The following TMEFF2 variants were observed in gnomAD, a reference collection of about 807,000 sequenced individuals.
TMEFF2 encodes transmembrane protein with EGF like and two follistatin like domains 2.
Under a neutral mutation model 53.8 loss-of-function variants are expected in TMEFF2, and 28 were observed. That is an observed-to-expected ratio of 0.52 (90% CI 0.39 to 0.71). The LOEUF (loss-of-function observed/expected upper bound fraction) is 0.71, where lower values mean the gene tolerates loss of function less well. Among genes scored for constraint, TMEFF2 ranks in the 30% least tolerant of loss-of-function variants. The pLI, the probability that TMEFF2 is intolerant of heterozygous loss-of-function variation, is 0.00. For missense variants in TMEFF2, 353 were observed against 455.2 expected, an observed-to-expected ratio of 0.78 and a Z score of 2.04; for synonymous variants, 162 against 166.3, an observed-to-expected ratio of 0.97 and a Z score of 0.20.
At chr2:192,072,725 A>C (rs923256231) in intron 4 of TMEFF2, among the ~76,000 whole-genome samples, 8 of 151,984 alleles carry the variant, frequency 5.3e-5, no homozygotes, top group African/African-American at 1.9e-4. Flanking sequence ...TGTGTATCTG[A>C]AGCACCATTC....
At chr2:192,043,053 G>A (rs1487715582) in intron 5 of TMEFF2, among the ~76,000 whole-genome samples, 3 of 152,158 alleles carry the variant, frequency 2.0e-5, no homozygotes, top group Admixed American at 6.5e-5. Context: ...GGCAGCAGGG[G>A]CCAAGTGGCA....
At chr2:192,010,888 T>G (rs1212773178) in intron 5 of TMEFF2, among the ~76,000 whole-genome samples, 1 of 152,206 alleles carries the variant, frequency 6.6e-6, no homozygotes, top group Non-Finnish European at 1.5e-5. Flanking sequence ...CCCTGGTGCC[T>G]TCTAACAAGA....
At chr2:192,117,385 TTAAC>T (rs1464347879) in intron 4 of TMEFF2, among the ~76,000 whole-genome samples, 1 of 152,146 alleles carries the variant, frequency 6.6e-6, no homozygotes, top group Non-Finnish European at 1.5e-5. Context: ...TGGTAGTAGG[TTAAC>T]TACTAGGTAG....
intron 5 of TMEFF2, among the ~76,000 whole-genome samples, chr2:192,045,724 A>G (rs1687602707): frequency 6.6e-6 from 1 of 152,178 alleles, no homozygotes; most frequent in Admixed American, 6.5e-5. Flanking sequence ...AGAAGCAGAA[A>G]CCAACACCGA....
intron 7 of TMEFF2, among the ~76,000 whole-genome samples, chr2:191,996,392 A>C (rs1686221692): frequency 6.6e-6 from 1 of 151,952 alleles, no homozygotes; most frequent in Non-Finnish European, 1.5e-5. Context: ...CAAATGAATT[A>C]GTTTGCAAAA....
rs191082907 is a variant in TMEFF2, at chr2:191,965,150, T to C, written c.746-8772A>G. On this transcript the variant is annotated intron_variant, in intron 7 of 9. Transcript: ENST00000272771. The stretch of plus-strand genomic sequence containing the variant: ...GCCCAGATCAACTTTTTATAGGTGA[T>C]GAGGTGATCACACTTTTATGGAGTT... 8.5e-5 allele frequency among the ~76,000 whole-genome samples: 13 copies of C among 152,274 alleles called. No individual in the cohort carries two copies. The East Asian group carries it at 2.3e-3, about 27-fold the overall frequency.
intron 4 of TMEFF2, among the ~76,000 whole-genome samples, chr2:192,129,472 G>A (rs1236620238): frequency 6.6e-6 from 1 of 152,092 alleles, no homozygotes; most frequent in Non-Finnish European, 1.5e-5. Context: ...AGAGGGATGG[G>A]TTTTAATACT....
intron 7 of TMEFF2, among the ~76,000 whole-genome samples, chr2:191,959,879 G>A (rs1692221857): frequency 6.6e-6 from 1 of 152,098 alleles, no homozygotes; most frequent in Non-Finnish European, 1.5e-5. Flanking sequence ...CCAAGCTGGT[G>A]TGTCTTTGTT....
intron 7 of TMEFF2, among the ~76,000 whole-genome samples, chr2:191,979,897 G>T (rs371098743): frequency 8.8e-4 from 132 of 149,826 alleles, no homozygotes; most frequent in Non-Finnish European, 1.6e-3. Flanking sequence ...CCTGTATGTG[G>T]CTTTGCATTA....
intron 4 of TMEFF2, among the ~76,000 whole-genome samples, chr2:192,083,625 T>C (rs1328452469): frequency 6.6e-6 from 1 of 151,742 alleles, no homozygotes; most frequent in African/African-American, 2.4e-5. Context: ...AAAAATCCTC[T>C]ACATAGCGGT....
At chr2:191,957,701 A>T (rs1307632608) in intron 7 of TMEFF2, among the ~76,000 whole-genome samples, 1 of 152,236 alleles carries the variant, frequency 6.6e-6, no homozygotes, top group South Asian at 2.1e-4. Context: ...ATGCATCATT[A>T]TGATGGGCAA....
At chr2:192,066,239 C>T (rs1688166994) in intron 4 of TMEFF2, among the ~76,000 whole-genome samples, 1 of 151,716 alleles carries the variant, frequency 6.6e-6, no homozygotes, top group African/African-American at 2.4e-5. Context: ...CAAATTAATA[C>T]TGCATATGTA....
intron 5 of TMEFF2, among the ~76,000 whole-genome samples, chr2:192,047,175 C>A (rs542319445): frequency 1.2e-3 from 183 of 152,336 alleles, no homozygotes; most frequent in African/African-American, 4.0e-3. Context: ...CCTGCCTCAG[C>A]TTCCCAAAGT....
chr2:192,002,146 G>A (rs1475656290), intron 5 of TMEFF2, among the ~76,000 whole-genome samples: 2 of 152,066 alleles, frequency 1.3e-5, no homozygotes, highest in African/African-American at 4.8e-5. Flanking sequence ...TTTAAGATTT[G>A]TTTCCTCTCA....
chr2:191,956,486 A>G (rs1462683455), intron 7 of TMEFF2, 108 bp from the exon 8 acceptor site: 1 of 1,178,096 alleles, frequency 8.5e-7, no homozygotes, highest in African/African-American at 1.5e-5. Context: ...TTAAAAGGGC[A>G]AGAACTAAAG....
intron 4 of TMEFF2, among the ~76,000 whole-genome samples, chr2:192,139,919 C>G (rs569990132): frequency 6.6e-6 from 1 of 152,258 alleles, no homozygotes; most frequent in South Asian, 2.1e-4. Context: ...TAGCTTTCAT[C>G]CTTGGCTCTG....
chr2:191,958,500 T>G (rs573237012), intron 7 of TMEFF2, among the ~76,000 whole-genome samples: 1 of 152,286 alleles, frequency 6.6e-6, no homozygotes, highest in African/African-American at 2.4e-5. Context: ...TCTATTTTAT[T>G]TTTAACACTG....
intron 4 of TMEFF2, among the ~76,000 whole-genome samples, chr2:192,129,636 T>C (rs972070722): frequency 3.3e-5 from 5 of 152,172 alleles, no homozygotes; most frequent in Non-Finnish European, 7.4e-5. Context: ...GGAAATGCCA[T>C]ATTTATGGTG....
intron 5 of TMEFF2, among the ~76,000 whole-genome samples, chr2:192,056,713 C>A (rs1469517561): frequency 1.3e-5 from 2 of 152,194 alleles, no homozygotes; most frequent in East Asian, 3.9e-4. Flanking sequence ...TGGTGAAATC[C>A]TAACCCCCAA....
Sources: allele counts gnomAD v4.1 joint callset (sites outside exome capture counted in the v4.1 genomes callset), GRCh38; gene constraint gnomAD v4.1.1; transcripts MANE v1.5; gene names NCBI Gene and HGNC (gene_info 2026-07-23, HGNC 2026-07-21).